CACNA1I: variants seen among roughly 807,000 people sequenced by gnomAD.
The protein encoded by CACNA1I is voltage-dependent T-type calcium channel subunit alpha-1I.
In CACNA1I, 74 loss-of-function variants were observed where a neutral mutation model predicts 201.6. The ratio of observed to expected loss-of-function variants is 0.37; its 90% confidence interval spans 0.30 to 0.45. The LOEUF is 0.45. Ranked by LOEUF, CACNA1I falls within the 20% of genes least tolerant of loss-of-function variation. CACNA1I has a pLI of 1.00. For synonymous variants in CACNA1I, 1,431 were observed against 1,345.2 expected, an observed-to-expected ratio of 1.06 and a Z score of -1.40; for missense variants, 2,346 against 3,138.1, an observed-to-expected ratio of 0.75 and a Z score of 6.03.
Position 39,679,796 on chromosome 22 carries a change from C to T in CACNA1I, c.5469C>T (p.Asn1823=). 6.2e-7 allele frequency: 1 copy of T among 1,613,052 alleles called. No homozygotes were observed. Among genetic ancestry groups the T allele is most frequent in the Non-Finnish European group, 8.5e-7 (1 of 1,179,562 alleles). ...SLEGELTIID[N]LSGSIFHHYS... The stretch of plus-strand genomic sequence containing the variant: ...AGGGGGAGCTGACCATCATCGACAA[C>T]CTGTCGGGCTCCATCTTCCACCACT... The change falls in exon 33 of 37, where the codon AAC becomes AAT. Residue 1823 remains asparagine (N), a synonymous_variant. Transcript: ENST00000402142.
Position 39,685,691 on chromosome 22 carries a change from G to A in CACNA1I, c.6028-70G>A, listed in dbSNP as rs577632329. 1 of 1,279,738 alleles carries A rather than the reference G, an allele frequency of 7.8e-7. No individual in the cohort carries two copies. The highest frequency in any genetic ancestry group is 1.0e-6 in the Non-Finnish European group (1 of 986,238). 79.3% of individuals were successfully genotyped at this position (1,279,738 alleles called of 1,614,324 possible). ...TCTGCCTGCTGCCTGCTGTGCGGGG[G>A]AGGGCGGCGTCCAGGTTGCTGGGGT... On this transcript the variant is annotated intron_variant, in intron 36 of 36. Coordinates refer to ENST00000402142, the MANE Select transcript of CACNA1I (RefSeq NM_021096.4). This position sits in a 1 kb window ranked among gnomAD's most constrained non-coding sequence, Gnocchi z 5.0.
intron 21 of CACNA1I, 73 bp downstream of exon 21, chr22:39,664,996 C>T: frequency 1.4e-6 from 2 of 1,398,128 alleles, no homozygotes; most frequent in Non-Finnish European, 2.0e-6. Flanking sequence ...CGAATTGGGC[C>T]CTCACTCCGC....
chr22:39,622,186 G>A (rs539662581), intron 4 of CACNA1I, among the ~76,000 whole-genome samples: 51 of 152,306 alleles, frequency 3.3e-4, no homozygotes, highest in African/African-American at 1.2e-3. Context: ...GACAGAAGGC[G>A]CGCCAAAGAC....
In CACNA1I at chr22:39,661,270, T is replaced by C. The variant is rs762952259; in HGVS notation, c.2861T>C (p.Val954Ala). 1.9e-6 allele frequency: 3 copies of C among 1,605,004 alleles called. No homozygotes were observed. Among genetic ancestry groups the C allele is most frequent in the African/African-American group, 2.7e-5 (2 of 74,692 alleles). ...LVALGSRKSSVMSLGRMSYDQ... is the reference protein window; with the variant it reads ...LVALGSRKSSAMSLGRMSYDQ... ...GCCCTGGGCTCCCGAAAGAGCAGTG[T>C]CATGTCTCTAGGGAGGATGAGCTAT... Residue 954 changes from valine (V) to alanine (A), a missense_variant, in exon 16 of 37, where the codon GTC (valine) becomes GCC (alanine). This residue lies in a region of CACNA1I where 288 missense variants were observed against 255.2 expected (regional missense o/e 1.13). Transcript: ENST00000402142.
intron 10 of CACNA1I, among the ~76,000 whole-genome samples, chr22:39,651,988 C>T (rs1025076033): frequency 2.0e-5 from 3 of 151,978 alleles, no homozygotes; most frequent in Non-Finnish European, 2.9e-5. Context: ...CCTCTCCCTC[C>T]TTCTGTCACA....
chr22:39,662,871 G>A lies in CACNA1I; in HGVS notation c.3468G>A (p.Glu1156=). The A allele has an allele frequency of 6.3e-7, 1 of 1,582,568 alleles. No homozygotes were observed. The highest frequency in any genetic ancestry group is 1.2e-5 in the South Asian group (1 of 86,556). Reference sequence around the variant, plus strand: ...GGTCTGTCTACCTCTTCTCTCCCGAGAACAGGTGGGCAGGGCCAGGCCTGG... The same window carrying A: ...GGTCTGTCTACCTCTTCTCTCCCGAAAACAGGTGGGCAGGGCCAGGCCTGG... ...EDWSVYLFSP[E]NRFRVLCQTI... is the part of the protein sequence containing the mutation. The change falls in exon 18 of 37, where the codon GAG becomes GAA. Residue 1156 remains glutamate (E), a synonymous_variant. Transcript: ENST00000402142.
In CACNA1I at chr22:39,684,741, C is replaced by T. The variant is rs561585654; in HGVS notation, c.6027+243C>T. The T allele has an allele frequency of 5.5e-5, 33 of 599,550 alleles. No homozygotes were observed. Among genetic ancestry groups the T allele is most frequent in the African/African-American group, 2.6e-4 (14 of 53,786 alleles). 37.1% of individuals were successfully genotyped at this position (599,550 alleles called of 1,614,324 possible). On this transcript the variant is annotated intron_variant, in intron 36 of 36. Coordinates refer to ENST00000402142, the MANE Select transcript of CACNA1I (RefSeq NM_021096.4). The surrounding 1 kb of genome is among the most constrained non-coding windows in gnomAD (Gnocchi z 4.6). ...GCAGAGTGTGGGGAGGACCCCAAGG[C>T]GGGTCTGGAAGAGGCCTGTGATCCC...
At chr22:39,640,746 T>G (rs1337190730) in intron 5 of CACNA1I, 121 bp from the exon 6 acceptor site, 2 of 788,898 alleles carry the variant, frequency 2.5e-6, no homozygotes, top group Non-Finnish European at 4.1e-6. Flanking sequence ...GAACAGCATG[T>G]GCCAAGGCCT....
intron 4 of CACNA1I, among the ~76,000 whole-genome samples, chr22:39,633,731 A>G (rs1245858896): frequency 6.6e-6 from 1 of 152,256 alleles, no homozygotes; most frequent in Non-Finnish European, 1.5e-5. Flanking sequence ...GGTGGGCAGT[A>G]TGGACTCTAC....
Position 39,658,172 on chromosome 22 carries a change from C to T in CACNA1I, c.2013C>T (p.Ile671=), listed in dbSNP as rs765247636. The T allele has an allele frequency of 1.2e-5, 20 of 1,613,854 alleles. 1 individual carries two copies. In the Admixed American group the frequency reaches 2.8e-4, roughly 23 times the overall value. The change falls in exon 11 of 37, where the codon ATC becomes ATT. Residue 671 remains isoleucine (I), a synonymous_variant. Coordinates refer to ENST00000402142, the MANE Select transcript of CACNA1I (RefSeq NM_021096.4). ...CACAGCCGGAGGAGCTGACCAACAT[C>T]CTGGAGATCTGCAATGTGGTCTTCA... ...HHEQPEELTN[I]LEICNVVFTS...
intron 4 of CACNA1I, among the ~76,000 whole-genome samples, chr22:39,624,182 A>G (rs1933835609): frequency 6.6e-6 from 1 of 151,750 alleles, no homozygotes; most frequent in Non-Finnish European, 1.5e-5. Context: ...GTGTGTGTGA[A>G]GAGCGTGCGT....
rs545055902 is a variant in CACNA1I, at chr22:39,684,503, C to T, written c.6027+5C>T. On this transcript the variant is annotated splice_donor_5th_base_variant and intron_variant, in intron 36 of 36. Coordinates refer to ENST00000402142, the MANE Select transcript of CACNA1I (RefSeq NM_021096.4). The surrounding 1 kb of genome is among the most constrained non-coding windows in gnomAD (Gnocchi z 4.6). ...AACTGTACCCTCCTCCGGCAGGTAC[C>T]GACACCTCCCAGGCCCTAGAGCACT... is the stretch of plus-strand genomic sequence containing the variant. 3.7e-6 allele frequency: 6 copies of T among 1,611,016 alleles called. No homozygotes were observed. Among genetic ancestry groups the T allele is most frequent in the African/African-American group, 1.3e-5 (1 of 74,898 alleles).
At chr22:39,638,782 A>G (rs1233652420) in intron 5 of CACNA1I, among the ~76,000 whole-genome samples, 1 of 152,172 alleles carries the variant, frequency 6.6e-6, no homozygotes, top group East Asian at 1.9e-4. Flanking sequence ...CGTGGAAGAT[A>G]ATTTTTCCAT....
chr22:39,664,159 G>A lies in CACNA1I; in HGVS notation c.3666G>A (p.Lys1222=). ...TAIFVGEMTL[K]VVSLGLYFGE... Reference sequence around the variant, plus strand: ...TCTTCGTGGGCGAGATGACATTGAAGGTAGCTCCCGGTTTCACCCGGGACC... The same window carrying A: ...TCTTCGTGGGCGAGATGACATTGAAAGTAGCTCCCGGTTTCACCCGGGACC... The change falls in exon 20 of 37, where the codon AAG becomes AAA. Residue 1222 remains lysine, a splice_region_variant and synonymous_variant. Transcript: ENST00000402142. 1 of 1,612,318 alleles carries A rather than the reference G, an allele frequency of 6.2e-7. No homozygotes were observed. The highest frequency in any genetic ancestry group is 8.5e-7 in the Non-Finnish European group (1 of 1,179,152).
At chr22:39,606,236 G>A (rs1394536224) in intron 3 of CACNA1I, among the ~76,000 whole-genome samples, 1 of 152,168 alleles carries the variant, frequency 6.6e-6, no homozygotes, top group Non-Finnish European at 1.5e-5. Context: ...GTGGCCTGGG[G>A]AGTGGCCATG....
rs756111700 is a variant in CACNA1I, at chr22:39,664,807, C to G, written c.3735C>G (p.Gly1245=). The G allele has an allele frequency of 3.1e-6, 5 of 1,609,282 alleles. No individual in the cohort carries two copies. Among genetic ancestry groups the G allele is most frequent in the Non-Finnish European group, 8.5e-7 (1 of 1,177,906 alleles). Residue 1245 remains glycine, a synonymous_variant, in exon 21 of 37, where the codon GGC becomes GGG. Coordinates refer to ENST00000402142, the MANE Select transcript of CACNA1I (RefSeq NM_021096.4). ...GCAGCAGCTGGAACGTGCTGGATGG[C>G]TTTCTTGTCTTCGTGTCCATCATCG... ...YLRSSWNVLD[G]FLVFVSIIDI...
Position 39,649,520 on chromosome 22 carries a change from C to A in CACNA1I, c.1587C>A (p.Ser529Arg). The change falls in exon 10 of 37, where the codon AGC (serine) becomes AGA (arginine). Residue 529 changes from serine to arginine, a missense_variant. This residue lies in a region of CACNA1I where 312 missense variants were observed against 331.5 expected (regional missense o/e 0.94). Coordinates refer to ENST00000402142, the MANE Select transcript of CACNA1I (RefSeq NM_021096.4). The surrounding 1 kb of genome is among the most constrained non-coding windows in gnomAD (Gnocchi z 7.3). The part of the protein sequence containing the change: ...HSGRELCPQH[S>R]PLDATPHTLV... ...TTTCAGAGCTGTGCCCGCAACATAG[C>A]CCCCTGGATGCGACGCCCCACACCC... The A allele has an allele frequency of 1.3e-6, 2 of 1,562,290 alleles. No homozygotes were observed. Among genetic ancestry groups the A allele is most frequent in the East Asian group, 2.4e-5 (1 of 42,162 alleles).
At chr22:39,616,359 T>A (rs560564330) in intron 3 of CACNA1I, among the ~76,000 whole-genome samples, 78 of 152,244 alleles carry the variant, frequency 5.1e-4, no homozygotes, top group Admixed American at 5.0e-3. Flanking sequence ...ACTAACTGGG[T>A]CATCGTGGGC....
At chr22:39,606,375 T>C (rs1933220249) in intron 3 of CACNA1I, among the ~76,000 whole-genome samples, 1 of 152,210 alleles carries the variant, frequency 6.6e-6, no homozygotes, top group Admixed American at 6.5e-5. Flanking sequence ...CATCTCACCG[T>C]GGCCTCTTGG....
Sources: gnomAD v4.1 joint callset for allele counts (sites outside exome capture counted in the v4.1 genomes callset) on GRCh38, gnomAD v4.1.1 for gene constraint, gnomAD v4.1.1 regional missense constraint, Gnocchi (gnomAD v3.1) non-coding constraint, MANE v1.5 for transcripts, NCBI Gene and HGNC (gene_info 2026-07-23, HGNC 2026-07-21) for gene names.